The following CACNA2D3 variants were observed in gnomAD, a reference collection of about 807,000 sequenced individuals.
The protein encoded by CACNA2D3 is calcium voltage-gated channel auxiliary subunit alpha2delta 3.
Under a neutral mutation model 160.6 loss-of-function variants are expected in CACNA2D3, and 60 were observed. The observed-to-expected ratio is 0.37, with a 90% CI of 0.30 to 0.46. The LOEUF is 0.46. Among genes scored for constraint, CACNA2D3 ranks in the 20% least tolerant of loss-of-function variants. The pLI, the probability that CACNA2D3 is intolerant of heterozygous loss-of-function variation, is 1.00. For missense variants in CACNA2D3, 1,205 were observed against 1,365.0 expected (o/e 0.88, Z 1.85); for synonymous variants, 558 against 492.9 (o/e 1.13, Z -1.75).
In CACNA2D3 at chr3:54,818,964, A is replaced by G. The variant is rs547627897; in HGVS notation, c.1398+2094A>G. On this transcript the variant is annotated intron_variant, in intron 14 of 37. Coordinates refer to ENST00000474759, the MANE Select transcript of CACNA2D3 (RefSeq NM_018398.3). The stretch of plus-strand genomic sequence containing the variant: ...CTAGGCTGGAGGGTAAGAGGAGTTG[A>G]GGGAGAGGTGCACCATAGATTGAAG... Among the ~76,000 whole-genome samples the G allele has an allele frequency of 3.9e-5, 6 of 152,256 alleles. No individual in the cohort carries two copies. In the East Asian group the frequency reaches 1.2e-3, roughly 29 times the overall value.
At chr3:54,149,881 C>G (rs1576960380) in intron 2 of CACNA2D3, among the ~76,000 whole-genome samples, 2 of 82,592 alleles carry the variant, frequency 2.4e-5, no homozygotes, top group Non-Finnish European at 5.2e-5. Context: ...CCTGAAGTAT[C>G]TGTCTCTCTC....
chr3:54,799,088 A>G (rs985182562), intron 13 of CACNA2D3, among the ~76,000 whole-genome samples: 2 of 152,170 alleles, frequency 1.3e-5, no homozygotes, highest in African/African-American at 4.8e-5. Context: ...TAAGAGTTTG[A>G]GCTGTCTGTT....
intron 11 of CACNA2D3, among the ~76,000 whole-genome samples, chr3:54,727,127 A>G (rs1193808642): frequency 2.0e-5 from 3 of 152,260 alleles, no homozygotes; most frequent in Non-Finnish European, 4.4e-5. Flanking sequence ...AAAAGAAGAC[A>G]TTTATGCAGC....
At chr3:54,629,786 C>T (rs540053844) in intron 10 of CACNA2D3, among the ~76,000 whole-genome samples, 236 of 152,288 alleles carry the variant, frequency 1.5e-3, no homozygotes, top group African/African-American at 3.2e-3. Context: ...AATTCCCTCT[C>T]GTTTTATCTC....
intron 11 of CACNA2D3, among the ~76,000 whole-genome samples, chr3:54,655,853 C>T (rs1247025193): frequency 6.6e-6 from 1 of 152,176 alleles, no homozygotes; most frequent in Non-Finnish European, 1.5e-5. Flanking sequence ...TGTCCATTTT[C>T]TAGAGTAGTG....
intron 27 of CACNA2D3, among the ~76,000 whole-genome samples, chr3:54,960,124 A>G (rs1701996489): frequency 6.6e-6 from 1 of 152,088 alleles, no homozygotes; most frequent in African/African-American, 2.4e-5. Flanking sequence ...TGTGTGGCCA[A>G]ATGGATCAGG....
intron 2 of CACNA2D3, among the ~76,000 whole-genome samples, chr3:54,316,996 C>G (rs921373959): frequency 2.6e-5 from 4 of 152,210 alleles, no homozygotes; most frequent in Non-Finnish European, 4.4e-5. Context: ...CATCATTTCA[C>G]TGACTATAAA....
chr3:54,252,245 A>G (rs1433509343), intron 2 of CACNA2D3, among the ~76,000 whole-genome samples: 2 of 152,006 alleles, frequency 1.3e-5, no homozygotes, highest in Non-Finnish European at 2.9e-5. Flanking sequence ...CTAGTCCTAG[A>G]TTTAGGTTGG....
chr3:54,873,144 CAT>C (rs1374518445), intron 18 of CACNA2D3, among the ~76,000 whole-genome samples: 1 of 152,082 alleles, frequency 6.6e-6, no homozygotes, highest in Admixed American at 6.5e-5. Context: ...GTCCCCACCT[CAT>C]AGAGCTGTTC....
chr3:54,299,222 A>AC (rs968316422), intron 2 of CACNA2D3, among the ~76,000 whole-genome samples: 7 of 151,418 alleles, frequency 4.6e-5, no homozygotes, highest in African/African-American at 1.5e-4. Flanking sequence ...TAAAAAAAAA[A>AC]AACCAGTGCT....
intron 2 of CACNA2D3, among the ~76,000 whole-genome samples, chr3:54,281,092 T>G (rs1702869527): frequency 6.6e-6 from 1 of 152,338 alleles, no homozygotes; most frequent in South Asian, 2.1e-4. Context: ...GAGTGCTGGC[T>G]GAGGCCCTGG....
chr3:54,500,694 C>T (rs1011757444), intron 4 of CACNA2D3, among the ~76,000 whole-genome samples: 10 of 151,712 alleles, frequency 6.6e-5, no homozygotes, highest in Non-Finnish European at 1.5e-5. Context: ...TCTCTCCTCT[C>T]TTAGCATATA....
intron 29 of CACNA2D3, among the ~76,000 whole-genome samples, chr3:54,983,405 T>C (rs557662316): frequency 6.6e-6 from 1 of 152,316 alleles, no homozygotes; most frequent in Non-Finnish European, 1.5e-5. Flanking sequence ...TGCTATCTCC[T>C]GACAATGGAG....
intron 4 of CACNA2D3, among the ~76,000 whole-genome samples, chr3:54,438,624 G>A (rs2106788980): frequency 6.6e-6 from 1 of 152,274 alleles, no homozygotes; most frequent in African/African-American, 2.4e-5. Context: ...TTGTAGCTAG[G>A]GCATTTAGAT....
At chr3:54,995,836 T>C (rs1559458410) in intron 31 of CACNA2D3, among the ~76,000 whole-genome samples, 1 of 152,110 alleles carries the variant, frequency 6.6e-6, no homozygotes, top group Non-Finnish European at 1.5e-5. Flanking sequence ...CTTCAAACTA[T>C]ATGAGTCCTC....
intron 11 of CACNA2D3, among the ~76,000 whole-genome samples, chr3:54,684,021 A>T (rs868322324): frequency 7.6e-6 from 1 of 130,914 alleles, no homozygotes; most frequent in African/African-American, 3.1e-5. Context: ...CCCAAGCTGG[A>T]GTGCACTGGT....
At chr3:54,830,807 A>G (rs765857647) in intron 14 of CACNA2D3, among the ~76,000 whole-genome samples, 2 of 151,806 alleles carry the variant, frequency 1.3e-5, no homozygotes, top group African/African-American at 4.8e-5. Flanking sequence ...TAAGGCCCAT[A>G]CTCTGGAAAT....
chr3:54,862,092 G>T (rs1212911331), intron 17 of CACNA2D3, among the ~76,000 whole-genome samples: 1 of 152,190 alleles, frequency 6.6e-6, no homozygotes, highest in Non-Finnish European at 1.5e-5. Flanking sequence ...CAGTTTGGTA[G>T]TCGGAACATG....
intron 11 of CACNA2D3, among the ~76,000 whole-genome samples, chr3:54,664,331 T>C (rs1006028959): frequency 1.3e-5 from 2 of 152,246 alleles, no homozygotes; most frequent in African/African-American, 4.8e-5. Context: ...CCTTGTATCC[T>C]GGATGCTTGA....
Sources: gnomAD v4.1 joint callset for allele counts (sites outside exome capture counted in the v4.1 genomes callset) on GRCh38, gnomAD v4.1.1 for gene constraint, MANE v1.5 for transcripts, NCBI Gene and HGNC (gene_info 2026-07-23, HGNC 2026-07-21) for gene names.